Variants in KIF16B observed in about 807,000 individuals in gnomAD.
The protein encoded by KIF16B is kinesin family member 16B, also known as kinesin-like protein KIF16B.
KIF16B carries 98 observed loss-of-function variants against 156.3 expected under a neutral mutation model. The ratio of observed to expected loss-of-function variants is 0.63; its 90% CI spans 0.53 to 0.74. The LOEUF (loss-of-function observed/expected upper bound fraction) is 0.74. Ranked by LOEUF, KIF16B falls within the 30% of genes least tolerant of loss-of-function variation. KIF16B has a pLI of 0.00. For missense variants in KIF16B, 1,421 were observed against 1,606.5 expected (o/e 0.88, Z 1.97); for synonymous variants, 564 against 583.7 (o/e 0.97, Z 0.49).
intron 23 of KIF16B, among the ~76,000 whole-genome samples, chr20:16,342,830 C>T (rs889576003): frequency 1.4e-4 from 22 of 152,254 alleles, no homozygotes; most frequent in African/African-American, 5.3e-4. Context: ...AAATGGTAGA[C>T]AAGGCAACTG....
chr20:16,555,137 T>C (rs1432883696), intron 1 of KIF16B, among the ~76,000 whole-genome samples: 1 of 152,162 alleles, frequency 6.6e-6, no homozygotes, highest in African/African-American at 2.4e-5. Context: ...AAGGATCCCA[T>C]ACCAACATCA....
intron 24 of KIF16B, among the ~76,000 whole-genome samples, chr20:16,326,426 A>G (rs575204402): frequency 6.6e-6 from 1 of 152,022 alleles, no homozygotes; most frequent in Non-Finnish European, 1.5e-5. Context: ...AATATCCAGA[A>G]TCTATAAGGA....
chr20:16,339,497 A>G (rs1032380366), intron 23 of KIF16B, among the ~76,000 whole-genome samples: 1 of 152,066 alleles, frequency 6.6e-6, no homozygotes, highest in Admixed American at 6.5e-5. Context: ...TTACATGTGG[A>G]TGACTCCCTG....
chr20:16,490,339 G>C (rs192448068), intron 12 of KIF16B, among the ~76,000 whole-genome samples: 2 of 152,146 alleles, frequency 1.3e-5, no homozygotes, highest in East Asian at 3.9e-4. Flanking sequence ...TCAGGAGTTC[G>C]AGAACAGCCT....
chr20:16,322,230 T>A (rs967427082), intron 24 of KIF16B, among the ~76,000 whole-genome samples: 1 of 151,912 alleles, frequency 6.6e-6, no homozygotes, highest in Non-Finnish European at 1.5e-5. Context: ...CACTAAAAAA[T>A]GAAATCAATA....
chr20:16,573,362 CCGCCCACTTCCCTCT>C lies in KIF16B; in HGVS notation c.-102_-88del. 4.2e-6 allele frequency: 6 copies of C among 1,420,894 alleles called. No individual in the cohort carries two copies. In the South Asian group the frequency reaches 7.4e-5, roughly 18 times the overall value. The allele number at this position is 1,420,894 out of a possible 1,614,324, so 88.0% of individuals were successfully genotyped here. A position where few individuals can be genotyped will look rare whatever the true frequency, so the allele number is the denominator to read the frequency against. On this transcript the variant is annotated 5_prime_UTR_variant, in exon 1 of 26. Transcript: ENST00000354981. Reference sequence around the variant, plus strand: ...ACGCTGGCTACTCAGATCGCGGCTCCCGCCCACTTCCCTCTCGCCCCCGCCCCTCTGCTCCCGGCC... The same window carrying C: ...ACGCTGGCTACTCAGATCGCGGCTCCCGCCCCCGCCCCTCTGCTCCCGGCC...
At chr20:16,459,426 T>TA (rs568516278) in intron 12 of KIF16B, among the ~76,000 whole-genome samples, 2 of 152,148 alleles carry the variant, frequency 1.3e-5, no homozygotes, top group Non-Finnish European at 2.9e-5. Context: ...CAAATGTAAT[T>TA]ATATTCAAGG....
chr20:16,480,032 G>A (rs185118959), intron 12 of KIF16B, among the ~76,000 whole-genome samples: 4 of 152,246 alleles, frequency 2.6e-5, no homozygotes, highest in Non-Finnish European at 4.4e-5. Flanking sequence ...GGACTCCTTC[G>A]GGGCTAATAA....
At position 16,330,143 on chromosome 20, in the gene KIF16B, G is replaced by C. The variant is rs10439592; in HGVS notation, c.3711+5783C>G. Among the ~76,000 whole-genome samples, 603 of 152,208 alleles carry C rather than the reference G, an allele frequency of 4.0e-3. 2 individuals carry two copies. The highest frequency in any genetic ancestry group is 0.014 in the African/African-American group (592 of 41,532). ...TCTGCTCAATTCCTAAGTTCTGTTT[G>C]TATTAACCTTAGGTTACTTCTATTT... On this transcript the variant is annotated intron_variant, in intron 24 of 25. Coordinates refer to ENST00000354981, the MANE Select transcript of KIF16B (RefSeq NM_024704.5).
intron 1 of KIF16B, among the ~76,000 whole-genome samples, chr20:16,555,262 C>G (rs996896678): frequency 2.0e-5 from 3 of 152,162 alleles, no homozygotes; most frequent in African/African-American, 7.2e-5. Flanking sequence ...TCAAAATAAC[C>G]CTATGAATAA....
At chr20:16,558,030 A>C (rs2070916834) in intron 1 of KIF16B, among the ~76,000 whole-genome samples, 1 of 152,236 alleles carries the variant, frequency 6.6e-6, no homozygotes, top group Admixed American at 6.5e-5. Context: ...GAGGGGGGAC[A>C]GGAAACACCA....
intron 14 of KIF16B, 49 bp downstream of exon 14, chr20:16,428,904 T>G: frequency 6.6e-7 from 1 of 1,521,024 alleles, no homozygotes; most frequent in Non-Finnish European, 9.1e-7. Flanking sequence ...CTTCCTTGAA[T>G]ACAACCTTAA....
intron 1 of KIF16B, among the ~76,000 whole-genome samples, chr20:16,566,516 A>ATATACC (rs1491520882): frequency 6.6e-6 from 1 of 152,258 alleles, no homozygotes; most frequent in African/African-American, 2.4e-5. Flanking sequence ...ATGCCTAATA[A>ATATACC]TATACCTGAT....
Position 16,500,149 on chromosome 20 carries a change from A to G in KIF16B, c.1177-2471T>C, listed in dbSNP as rs184792691. Among the ~76,000 whole-genome samples, 46 of 152,316 alleles carry G rather than the reference A, an allele frequency of 3.0e-4. No individual in the cohort carries two copies. The East Asian group carries it at 8.5e-3, about 28-fold the overall frequency. On this transcript the variant is annotated intron_variant, in intron 10 of 25. Transcript: ENST00000354981. ...AGGTATCATCTACATGCAGCCAAAT[A>G]CATAAATCTAAGGTCCACTGCTTGA...
chr20:16,427,185 TC>T lies in KIF16B; in HGVS notation c.1530del (p.Thr511GlnfsTer2). The T allele has an allele frequency of 5.6e-6, 9 of 1,612,452 alleles. No homozygotes were observed. Among genetic ancestry groups the T allele is most frequent in the Non-Finnish European group, 7.6e-6 (9 of 1,179,104 alleles). ...CCACTCAGGGGTATCAGAGTCACTG[TC>T]CCCCCGATATTTTCAAAGATGCAAT... ...SEHCIFENIGGTVTLIPLSGS... is the reference protein window; with the variant it reads ...SEHCIFENIGXTVTLIPLSGS... On this transcript the variant is annotated frameshift_variant, in exon 15 of 26. Transcript: ENST00000354981. LOFTEE classifies it high-confidence loss of function.
chr20:16,437,986 T>TAAAAAAAAAA, intron 12 of KIF16B, among the ~76,000 whole-genome samples: 1 of 99,500 alleles, frequency 1.0e-5, no homozygotes, highest in African/African-American at 3.3e-5. Context: ...TAAAAAAAAA[T>TAAAAAAAAAA]AATAAAAAAA....
At chr20:16,567,509 T>C (rs2071296654) in intron 1 of KIF16B, among the ~76,000 whole-genome samples, 2 of 152,174 alleles carry the variant, frequency 1.3e-5, no homozygotes, top group South Asian at 2.1e-4. Context: ...CTGTCATCTG[T>C]AAGCCCAGAG....
At chr20:16,335,104 T>C (rs1159348332) in intron 24 of KIF16B, among the ~76,000 whole-genome samples, 2 of 152,154 alleles carry the variant, frequency 1.3e-5, no homozygotes, top group Admixed American at 6.5e-5. Flanking sequence ...TAACTATATT[T>C]TAAAATGTCA....
chr20:16,389,130 A>G (rs1403156108), intron 17 of KIF16B, among the ~76,000 whole-genome samples: 1 of 152,102 alleles, frequency 6.6e-6, no homozygotes, highest in Non-Finnish European at 1.5e-5. Context: ...AGACAAGGAA[A>G]AACTTCTTGG....
Sources: allele counts gnomAD v4.1 joint callset (sites outside exome capture counted in the v4.1 genomes callset), GRCh38; gene constraint gnomAD v4.1.1; transcripts MANE v1.5; gene names NCBI Gene and HGNC (gene_info 2026-07-23, HGNC 2026-07-21).